COL5A1: variants seen among roughly 807,000 people sequenced by gnomAD.
The protein encoded by COL5A1 is collagen type V alpha 1 chain.
In COL5A1, 16 loss-of-function variants were observed where a neutral mutation model predicts 263.7. The ratio of observed to expected loss-of-function variants is 0.06; its 90% CI spans 0.04 to 0.09. COL5A1 has a LOEUF of 0.09. Ranked by LOEUF, COL5A1 falls within the 10% of genes least tolerant of loss-of-function variation. The probability of loss-of-function intolerance (pLI) is 1.00; values close to 1 mark genes in which losing one functional copy is unlikely to be tolerated. For synonymous variants in COL5A1, 1,012 were observed against 1,004.5 expected (o/e 1.01, Z -0.14); for missense variants, 2,036 against 2,540.5 (o/e 0.80, Z 4.27).
intron 5 of COL5A1, among the ~76,000 whole-genome samples, chr9:134,727,809 C>T (rs748333484): frequency 2.2e-4 from 33 of 152,160 alleles, no homozygotes; most frequent in African/African-American, 6.3e-4. Flanking sequence ...GGCCAGCCCT[C>T]GGATCCCTTG....
rs1832746130 is a variant in COL5A1, at chr9:134,678,564, G to C, written c.110-12348G>C. The stretch of plus-strand genomic sequence containing the variant: ...AAGCACCTGCTTCTCACCACCTGCT[G>C]CTCCTCCATGGTCTCTTCAGAGCCT... On this transcript the variant is annotated intron_variant, in intron 1 of 65. Transcript: ENST00000371817. This position sits in a 1 kb window ranked among gnomAD's most constrained non-coding sequence, Gnocchi z 5.5. 2.6e-5 allele frequency among the ~76,000 whole-genome samples: 4 copies of C among 152,234 alleles called. No individual in the cohort carries two copies. In the South Asian group the frequency reaches 8.3e-4, roughly 31 times the overall value.
Position 134,818,510 on chromosome 9 carries a change from T to G in COL5A1, c.4231-146T>G. 1.5e-6 allele frequency: 1 copy of G among 648,294 alleles called. No homozygotes were observed. 40.2% of individuals were successfully genotyped at this position (648,294 alleles called of 1,614,324 possible). ...TGACCAGGGCAGCTTCCACAGGCAA[T>G]GAAATGTGGAGAATTAGGGCAACCC... On this transcript the variant is annotated intron_variant, in intron 54 of 65. Coordinates refer to ENST00000371817, the MANE Select transcript of COL5A1 (RefSeq NM_000093.5). The surrounding 1 kb of genome is among the most constrained non-coding windows in gnomAD (Gnocchi z 6.0).
At chr9:134,781,155 G>A (rs1837236555) in intron 28 of COL5A1, among the ~76,000 whole-genome samples, 1 of 152,210 alleles carries the variant, frequency 6.6e-6, no homozygotes, top group Non-Finnish European at 1.5e-5. Context: ...CGCATTGAGT[G>A]GCCACAACTG....
intron 1 of COL5A1, among the ~76,000 whole-genome samples, chr9:134,656,216 G>T (rs923514395): frequency 2.6e-5 from 4 of 152,184 alleles, no homozygotes; most frequent in African/African-American, 9.7e-5. Flanking sequence ...CAGTGCAGCG[G>T]CAGTGACCAG....
intron 18 of COL5A1, among the ~76,000 whole-genome samples, chr9:134,760,592 GCA>G (rs1240379644): frequency 4.5e-4 from 24 of 52,794 alleles, no homozygotes; most frequent in Non-Finnish European, 5.4e-4. Flanking sequence ...TCAGACACAT[GCA>G]CACACACCAC....
At chr9:134,787,309 G>A (rs1837495342) in intron 31 of COL5A1, among the ~76,000 whole-genome samples, 1 of 152,216 alleles carries the variant, frequency 6.6e-6, no homozygotes. Context: ...TTTCTGAACT[G>A]AGCTCTGTGT....
At position 134,693,815 on chromosome 9, in the gene COL5A1, A is replaced by G. The variant is rs185649401; in HGVS notation, c.277+2736A>G. On this transcript the variant is annotated intron_variant, in intron 2 of 65. Coordinates refer to ENST00000371817, the MANE Select transcript of COL5A1 (RefSeq NM_000093.5). The stretch of plus-strand genomic sequence containing the variant: ...CTCACTTCAGGTTTTCTGTTTGAGA[A>G]GTGCTCAGTGTGTAGGGGCCACACA... Among the ~76,000 whole-genome samples, 6 of 152,318 alleles carry G rather than the reference A, an allele frequency of 3.9e-5. No individual in the cohort carries two copies. The East Asian group carries it at 1.2e-3, about 29-fold the overall frequency.
Position 134,741,737 on chromosome 9 carries a change from C to T in COL5A1, c.1494+2929C>T, listed in dbSNP as rs1471467331. ...AAATAGTCGTTCTGCAGGGGAGTGG[C>T]GTGCTCTGTCCCCTCCGTCTGCTTG... On this transcript the variant is annotated intron_variant, in intron 11 of 65. Transcript: ENST00000371817. The surrounding 1 kb of genome is among the most constrained non-coding windows in gnomAD (Gnocchi z 4.5). 6.6e-6 allele frequency among the ~76,000 whole-genome samples: 1 copy of T among 152,120 alleles called. No individual in the cohort carries two copies. The highest frequency in any genetic ancestry group is 2.4e-5 in the African/African-American group (1 of 41,408).
Position 134,818,232 on chromosome 9 carries a change from G to T in COL5A1, c.4230+401G>T, listed in dbSNP as rs1307728793. Among the ~76,000 whole-genome samples, 1 of 152,210 alleles carries T rather than the reference G, an allele frequency of 6.6e-6. No homozygotes were observed. The highest frequency in any genetic ancestry group is 1.5e-5 in the Non-Finnish European group (1 of 68,028). ...CTGCTGCGGGGCCCGTGCAGAAGAT[G>T]GGACGCCGTCACCCATGCAGTTGGC... On this transcript the variant is annotated intron_variant, in intron 54 of 65. Coordinates refer to ENST00000371817, the MANE Select transcript of COL5A1 (RefSeq NM_000093.5). This position sits in a 1 kb window ranked among gnomAD's most constrained non-coding sequence, Gnocchi z 6.0.
chr9:134,760,811 C>G (rs574759185), intron 18 of COL5A1, among the ~76,000 whole-genome samples: 2 of 148,812 alleles, frequency 1.3e-5, no homozygotes, highest in Admixed American at 1.3e-4. Flanking sequence ...CCCTGACACA[C>G]CCCCACATGC....
At chr9:134,780,579 TCA>T (rs1293966714) in intron 28 of COL5A1, among the ~76,000 whole-genome samples, 1 of 152,148 alleles carries the variant, frequency 6.6e-6, no homozygotes, top group Non-Finnish European at 1.5e-5. Flanking sequence ...CTGCAGAAAC[TCA>T]CAGTGTGCAG....
In COL5A1 at chr9:134,817,019, A is replaced by G; in HGVS notation, c.4123-7A>G. The G allele has an allele frequency of 6.2e-7, 1 of 1,613,796 alleles. No individual in the cohort carries two copies. Among genetic ancestry groups the G allele is most frequent in the Non-Finnish European group, 8.5e-7 (1 of 1,179,700 alleles). Reference sequence around the variant, plus strand: ...TCCTCACACTCTGTTCTTTCTCCCAATACCAGGGATCCCCCGGCCCTACTG... The same window carrying G: ...TCCTCACACTCTGTTCTTTCTCCCAGTACCAGGGATCCCCCGGCCCTACTG... On this transcript the variant is annotated splice_region_variant and splice_polypyrimidine_tract_variant and intron_variant, in intron 52 of 65. Coordinates refer to ENST00000371817, the MANE Select transcript of COL5A1 (RefSeq NM_000093.5).
At chr9:134,748,341 A>C (rs181060331) in intron 11 of COL5A1, among the ~76,000 whole-genome samples, 43 of 152,248 alleles carry the variant, frequency 2.8e-4, no homozygotes, top group Non-Finnish European at 5.1e-4. Flanking sequence ...ACATGCATTC[A>C]CACATTCACA....
At chr9:134,723,412 C>T (rs1371237822) in intron 4 of COL5A1, among the ~76,000 whole-genome samples, 3 of 152,194 alleles carry the variant, frequency 2.0e-5, no homozygotes, top group South Asian at 2.1e-4. Context: ...GGAGAGCACC[C>T]GTCTCTGTGC....
intron 65 of COL5A1, among the ~76,000 whole-genome samples, chr9:134,838,864 C>T (rs1488245147): frequency 1.3e-5 from 2 of 152,190 alleles, no homozygotes; most frequent in Non-Finnish European, 2.9e-5. Context: ...GAAAGGTGGG[C>T]AGTGGCAGCA....
intron 1 of COL5A1, among the ~76,000 whole-genome samples, chr9:134,664,540 T>C (rs989451211): frequency 6.6e-6 from 1 of 152,100 alleles, no homozygotes; most frequent in Non-Finnish European, 1.5e-5. Flanking sequence ...ACATGGCAAG[T>C]TCTCAGGAAG....
Position 134,682,686 on chromosome 9 carries a change from C to A in COL5A1, c.110-8226C>A, listed in dbSNP as rs895747787. Among the ~76,000 whole-genome samples the A allele has an allele frequency of 1.3e-5, 2 of 152,114 alleles. No individual in the cohort carries two copies. The highest frequency in any genetic ancestry group is 2.9e-5 in the Non-Finnish European group (2 of 68,026). On this transcript the variant is annotated intron_variant, in intron 1 of 65. Transcript: ENST00000371817. This position sits in a 1 kb window ranked among gnomAD's most constrained non-coding sequence, Gnocchi z 5.1. ...GCACTGCTCCGGCTCAGGGGGGCAC[C>A]GGGACGGGGGAGCTGAGGAAAAGTC... is the stretch of plus-strand genomic sequence containing the variant.
Position 134,813,626 on chromosome 9 carries a change from G to A in COL5A1, c.3853-357G>A, listed in dbSNP as rs1272955419. ...TCTGGCCTGTGTCCCTGAGGACTGC[G>A]TGCCTGTCCTCCTGCCTCGGCCCTG... On this transcript the variant is annotated intron_variant, in intron 48 of 65. Coordinates refer to ENST00000371817, the MANE Select transcript of COL5A1 (RefSeq NM_000093.5). 3.9e-5 allele frequency among the ~76,000 whole-genome samples: 6 copies of A among 152,326 alleles called. No homozygotes were observed. In the South Asian group the frequency reaches 8.3e-4, roughly 21 times the overall value.
intron 1 of COL5A1, among the ~76,000 whole-genome samples, chr9:134,645,223 T>C (rs1259795277): frequency 6.6e-6 from 1 of 152,192 alleles, no homozygotes; most frequent in Admixed American, 6.5e-5. Flanking sequence ...CAGAGCCTGC[T>C]CTTCACCCCG....
Sources: allele counts gnomAD v4.1 joint callset (sites outside exome capture counted in the v4.1 genomes callset), GRCh38; gene constraint gnomAD v4.1.1; non-coding constraint Gnocchi (gnomAD v3.1); transcripts MANE v1.5; gene names NCBI Gene and HGNC (gene_info 2026-07-23, HGNC 2026-07-21).